The following VPS41 variants were observed in gnomAD, a reference collection of about 807,000 sequenced individuals.
VPS41 encodes VPS41 subunit of HOPS complex, also known as vacuolar protein sorting-associated protein 41 homolog.
Under a neutral mutation model 130.9 loss-of-function variants are expected in VPS41, and 85 were observed. The ratio of observed to expected loss-of-function variants is 0.65; its 90% CI spans 0.55 to 0.78. The LOEUF (loss-of-function observed/expected upper bound fraction) is 0.78. Among genes scored for constraint, VPS41 ranks in the 30% least tolerant of loss-of-function variants. The probability of loss-of-function intolerance (pLI) is 0.00; values close to 1 mark genes in which losing one functional copy is unlikely to be tolerated. For synonymous variants in VPS41, 335 were observed against 332.9 expected (o/e 1.01, Z -0.07); for missense variants, 874 against 1,018.7 (o/e 0.86, Z 1.93).
intron 14 of VPS41, 63 bp from the exon 15 acceptor site, chr7:38,767,661 G>T: frequency 1.6e-6 from 2 of 1,263,164 alleles, no homozygotes; most frequent in Non-Finnish European, 1.1e-6. Flanking sequence ...GTTGAGTCTC[G>T]GTTTCTGCAC....
At chr7:38,806,673 C>T (rs1240112770) in intron 7 of VPS41, among the ~76,000 whole-genome samples, 2 of 152,144 alleles carry the variant, frequency 1.3e-5, no homozygotes, top group African/African-American at 4.8e-5. Context: ...ATTTGGTGTA[C>T]AGCCTTCCAT....
At position 38,805,405 on chromosome 7, in the gene VPS41, C is replaced by A. The variant is rs151053104; in HGVS notation, c.451-8541G>T. On this transcript the variant is annotated intron_variant, in intron 7 of 28. Transcript: ENST00000310301. ...AAAATTAGCTGGGCGTGGTGGTGCA[C>A]GCCTGTAGTCCCAGCTACTCGGGAG... Among the ~76,000 whole-genome samples, 1,238 of 151,968 alleles carry A rather than the reference C, an allele frequency of 8.1e-3. 9 individuals carry two copies. The highest frequency in any genetic ancestry group is 0.011 in the Non-Finnish European group (734 of 67,974).
intron 1 of VPS41, among the ~76,000 whole-genome samples, chr7:38,906,816 T>C (rs1787278642): frequency 6.6e-6 from 1 of 152,186 alleles, no homozygotes; most frequent in Non-Finnish European, 1.5e-5. Flanking sequence ...TTCTTACATA[T>C]ATTTTAAAAA....
intron 7 of VPS41, among the ~76,000 whole-genome samples, chr7:38,813,006 A>G (rs918715750): frequency 1.1e-4 from 17 of 152,244 alleles, no homozygotes; most frequent in Non-Finnish European, 2.4e-4. Flanking sequence ...TAGAGTTACT[A>G]TATGATTCAA....
chr7:38,759,586 C>T (rs1050950032), intron 17 of VPS41, among the ~76,000 whole-genome samples: 3 of 152,098 alleles, frequency 2.0e-5, no homozygotes, highest in African/African-American at 7.2e-5. Flanking sequence ...TTTAGCATTC[C>T]TGGGAGGCAG....
intron 1 of VPS41, among the ~76,000 whole-genome samples, chr7:38,908,382 A>C (rs1350964770): frequency 3.3e-5 from 5 of 152,146 alleles, no homozygotes; most frequent in Non-Finnish European, 5.9e-5. Context: ...ATATGAAAAT[A>C]ATTCATATTC....
chr7:38,726,977 G>T lies in VPS41; in HGVS notation c.2416C>A (p.Pro806Thr). Residue 806 changes from proline (P) to threonine (T), a missense_variant, in exon 28 of 29, where the codon CCC becomes ACC. Coordinates refer to ENST00000310301, the MANE Select transcript of VPS41 (RefSeq NM_014396.4). The part of the protein sequence containing the change: ...SPILPSDAAK[P>T]FSVVVFHCRH... ...CAATGGAAGACCACCACGCTGAAGG[G>T]CTTAGCTGCATCTGGCGAGGAGGGC... is the stretch of plus-strand genomic sequence containing the variant. 6.3e-7 allele frequency: 1 copy of T among 1,575,044 alleles called. No homozygotes were observed. The highest frequency in any genetic ancestry group is 8.6e-7 in the Non-Finnish European group (1 of 1,159,800).
rs1258485764 is a variant in VPS41, at chr7:38,789,795, C to T, written c.784+6G>A. On this transcript the variant is annotated splice_donor_region_variant and intron_variant, in intron 10 of 28. Coordinates refer to ENST00000310301, the MANE Select transcript of VPS41 (RefSeq NM_014396.4). ...CATCCACAGAAGGCAAGTGTTGGAG[C>T]CATACCTATTTCAACATATCGACTT... The T allele has an allele frequency of 6.2e-7, 1 of 1,613,406 alleles. No homozygotes were observed.
At chr7:38,771,481 A>G (rs893488624) in intron 13 of VPS41, among the ~76,000 whole-genome samples, 10 of 152,158 alleles carry the variant, frequency 6.6e-5, no homozygotes, top group African/African-American at 2.4e-4. Flanking sequence ...TTCAAACTCA[A>G]AGGCAGTCAA....
chr7:38,802,256 G>A (rs1334268308), intron 7 of VPS41, among the ~76,000 whole-genome samples: 3 of 152,156 alleles, frequency 2.0e-5, no homozygotes, highest in Non-Finnish European at 4.4e-5. Flanking sequence ...GCCTGCAGAA[G>A]GCTCTCTGGA....
chr7:38,792,246 A>G (rs1784548585), intron 9 of VPS41, among the ~76,000 whole-genome samples: 1 of 152,198 alleles, frequency 6.6e-6, no homozygotes. Context: ...CATGTCTTGC[A>G]TAAGCACAAA....
chr7:38,746,334 T>G (rs2286101), intron 22 of VPS41, among the ~76,000 whole-genome samples: 135,871 of 151,790 alleles, frequency 0.9, 60,899 homozygotes, highest in East Asian at 0.99. Context: ...TTTACTATAT[T>G]CTCTGTGCTG....
intron 23 of VPS41, among the ~76,000 whole-genome samples, chr7:38,744,749 T>C (rs1795953047): frequency 6.6e-6 from 1 of 152,204 alleles, no homozygotes; most frequent in Non-Finnish European, 1.5e-5. Flanking sequence ...GCAGGTGCTA[T>C]AACTGGACAG....
At chr7:38,786,896 G>C (rs1041329122) in intron 10 of VPS41, among the ~76,000 whole-genome samples, 1 of 152,042 alleles carries the variant, frequency 6.6e-6, no homozygotes, top group South Asian at 2.1e-4. Flanking sequence ...GATAAAGAGA[G>C]ATACTTAGAT....
intron 7 of VPS41, among the ~76,000 whole-genome samples, chr7:38,811,111 C>T (rs996904430): frequency 2.0e-5 from 3 of 152,028 alleles, no homozygotes; most frequent in African/African-American, 7.2e-5. Context: ...CTTCTAAATG[C>T]CTTTAGTTTT....
At chr7:38,812,823 C>T (rs1784971493) in intron 7 of VPS41, among the ~76,000 whole-genome samples, 1 of 152,012 alleles carries the variant, frequency 6.6e-6, no homozygotes, top group Admixed American at 6.6e-5. Flanking sequence ...AAAGTCAAAA[C>T]CACAATGAGA....
rs114293065 is a variant in VPS41 at position 38,728,099 on chromosome 7, T to C, written c.2404+443A>G. Reference sequence around the variant, plus strand: ...ACCTATAAATTTTTTTTCCCAGACATGTATATGGTTCTTCTACCTTGAAAT... The same window carrying C: ...ACCTATAAATTTTTTTTCCCAGACACGTATATGGTTCTTCTACCTTGAAAT... On this transcript the variant is annotated intron_variant, in intron 27 of 28. Transcript: ENST00000310301. Among the ~76,000 whole-genome samples the C allele has an allele frequency of 1.9e-3, 294 of 152,294 alleles. 3 individuals are homozygous for C. The highest frequency in any genetic ancestry group is 6.8e-3 in the African/African-American group (283 of 41,568).
chr7:38,741,433 T>C, intron 25 of VPS41: 1 of 226,386 alleles, frequency 4.4e-6, no homozygotes, highest in South Asian at 6.5e-5. Flanking sequence ...TCCACTGTTC[T>C]TATGACAAAT....
chr7:38,849,235 G>T (rs746524821), intron 4 of VPS41, among the ~76,000 whole-genome samples: 3 of 152,080 alleles, frequency 2.0e-5, no homozygotes, highest in Admixed American at 6.5e-5. Context: ...CAGATGGGTG[G>T]GCTGTGGTGC....
Sources: allele counts gnomAD v4.1 joint callset (sites outside exome capture counted in the v4.1 genomes callset), GRCh38; gene constraint gnomAD v4.1.1; transcripts MANE v1.5; gene names NCBI Gene and HGNC (gene_info 2026-07-23, HGNC 2026-07-21).